PDE4D: variants seen among roughly 807,000 people sequenced by gnomAD.
The protein encoded by PDE4D is phosphodiesterase 4D.
Under a neutral mutation model 87.4 loss-of-function variants are expected in PDE4D, and 24 were observed. The ratio of observed to expected loss-of-function variants is 0.27; its 90% CI spans 0.20 to 0.39. The LOEUF is 0.39. Among genes scored for constraint, PDE4D ranks in the 10% least tolerant of loss-of-function variants. The probability of loss-of-function intolerance (pLI) is 1.00; values close to 1 mark genes in which losing one functional copy is unlikely to be tolerated. For synonymous variants in PDE4D, 384 were observed against 383.2 expected, an observed-to-expected ratio of 1.00 and a Z score of -0.02; for missense variants, 714 against 1,041.0, an observed-to-expected ratio of 0.69 and a Z score of 4.32.
intron 1 of PDE4D, among the ~76,000 whole-genome samples, chr5:60,447,551 A>C (rs1470872793): frequency 6.6e-6 from 1 of 152,166 alleles, no homozygotes; most frequent in Non-Finnish European, 1.5e-5. Context: ...TTTGAAAAAA[A>C]AAAGAAAGAA....
At chr5:59,924,938 G>A (rs1205094754) in intron 3 of PDE4D, among the ~76,000 whole-genome samples, 3 of 152,030 alleles carry the variant, frequency 2.0e-5, no homozygotes, top group Admixed American at 6.6e-5. Context: ...CACTTTGGGA[G>A]GCTGAAGCGG....
At position 58,974,803 on chromosome 5, in the gene PDE4D, T is replaced by C. The variant is rs754094337; in HGVS notation, c.2291A>G (p.Asp764Gly). 1 of 1,613,542 alleles carries C rather than the reference T, an allele frequency of 6.2e-7. No homozygotes were observed. The highest frequency in any genetic ancestry group is 8.5e-7 in the Non-Finnish European group (1 of 1,179,628). Residue 764 changes from aspartate (D) to glycine (G), a missense_variant, in exon 15 of 15, where the codon GAC (aspartate) becomes GGC (glycine). Asp to Gly is a moderately conservative substitution (Grantham distance 94). Coordinates refer to ENST00000340635, the MANE Select transcript of PDE4D (RefSeq NM_001104631.2). The part of the protein sequence containing the change: ...SQVEEDTSCS[D>G]SKTLCTQDSE... ...GTCTTGAGTACAAAGAGTCTTGGAG[T>C]CACTGCAGCTAGTGTCTTCTTCCAC...
At chr5:59,991,622 G>T (rs897056796) in intron 2 of PDE4D, among the ~76,000 whole-genome samples, 1 of 152,060 alleles carries the variant, frequency 6.6e-6, no homozygotes, top group Non-Finnish European at 1.5e-5. Flanking sequence ...ACCACCTCCA[G>T]TTATAAAATA....
intron 2 of PDE4D, among the ~76,000 whole-genome samples, chr5:60,184,604 T>C (rs535013053): frequency 6.6e-6 from 1 of 152,320 alleles, no homozygotes; most frequent in East Asian, 1.9e-4. Flanking sequence ...CATATCCTCA[T>C]TTTTTAACAA....
At chr5:60,291,065 T>C (rs1752852970) in intron 1 of PDE4D, among the ~76,000 whole-genome samples, 1 of 152,226 alleles carries the variant, frequency 6.6e-6, no homozygotes, top group South Asian at 2.1e-4. Flanking sequence ...ATCTTTTTTC[T>C]GGGTTTCCTG....
At chr5:59,902,306 A>G (rs1323705348) in intron 3 of PDE4D, among the ~76,000 whole-genome samples, 1 of 152,172 alleles carries the variant, frequency 6.6e-6, no homozygotes, top group African/African-American at 2.4e-5. Flanking sequence ...ATCAACAGCA[A>G]TTCTTGTTAA....
chr5:60,064,389 C>G (rs1771818552), intron 2 of PDE4D, among the ~76,000 whole-genome samples: 2 of 151,894 alleles, frequency 1.3e-5, no homozygotes, highest in South Asian at 4.1e-4. Flanking sequence ...GGAGAACACC[C>G]AGTATTTGAA....
chr5:59,139,929 A>C (rs751589394), intron 5 of PDE4D, among the ~76,000 whole-genome samples: 2 of 152,198 alleles, frequency 1.3e-5, no homozygotes, highest in Non-Finnish European at 2.9e-5. Context: ...TCACATACAT[A>C]CAAGTCTAAG....
intron 5 of PDE4D, among the ~76,000 whole-genome samples, chr5:59,088,593 A>G (rs760352852): frequency 2.0e-5 from 3 of 152,230 alleles, no homozygotes; most frequent in South Asian, 2.1e-4. Context: ...AATGTGGTAC[A>G]TAAACACCAT....
intron 1 of PDE4D, among the ~76,000 whole-genome samples, chr5:60,422,785 G>A (rs1743250447): frequency 6.6e-6 from 1 of 152,174 alleles, no homozygotes; most frequent in East Asian, 1.9e-4. Flanking sequence ...TCAGTGTGCT[G>A]TATTCAGGAG....
chr5:60,167,619 G>C (rs1378672104), intron 2 of PDE4D, among the ~76,000 whole-genome samples: 2 of 151,892 alleles, frequency 1.3e-5, no homozygotes, highest in Non-Finnish European at 2.9e-5. Flanking sequence ...TTTTCATTTT[G>C]TTCATTGTAT....
At chr5:60,410,226 G>A (rs1583662795) in intron 1 of PDE4D, among the ~76,000 whole-genome samples, 1 of 152,138 alleles carries the variant, frequency 6.6e-6, no homozygotes, top group Non-Finnish European at 1.5e-5. Context: ...GGCTGGGTGT[G>A]GAGAGTCCAT....
At chr5:60,225,082 A>C (rs1340654825) in intron 1 of PDE4D, among the ~76,000 whole-genome samples, 1 of 151,834 alleles carries the variant, frequency 6.6e-6, no homozygotes, top group Non-Finnish European at 1.5e-5. Flanking sequence ...TGGAGCCTCA[A>C]ATTCATTTCA....
chr5:59,452,121 G>C (rs1799257705), intron 1 of PDE4D, among the ~76,000 whole-genome samples: 1 of 151,988 alleles, frequency 6.6e-6, no homozygotes. Flanking sequence ...TGTAGCCCAA[G>C]ACAATTCTTC....
chr5:59,873,296 A>G (rs1748095118), intron 1 of PDE4D, among the ~76,000 whole-genome samples: 1 of 152,234 alleles, frequency 6.6e-6, no homozygotes, highest in African/African-American at 2.4e-5. Context: ...ATGACTGGGC[A>G]GATCTTGAAG....
chr5:59,065,732 T>A (rs1025417542), intron 5 of PDE4D, among the ~76,000 whole-genome samples: 1 of 152,140 alleles, frequency 6.6e-6, no homozygotes, highest in Non-Finnish European at 1.5e-5. Flanking sequence ...GGAATCCCAT[T>A]TCTTCCTTTG....
intron 1 of PDE4D, among the ~76,000 whole-genome samples, chr5:60,451,022 CA>C (rs1278339026): frequency 6.6e-6 from 1 of 151,992 alleles, no homozygotes; most frequent in Admixed American, 6.6e-5. Flanking sequence ...TTATAATCTT[CA>C]AAGCATTAAA....
intron 1 of PDE4D, among the ~76,000 whole-genome samples, chr5:59,802,376 A>G (rs1224168092): frequency 7.0e-6 from 1 of 141,864 alleles, no homozygotes; most frequent in Non-Finnish European, 1.6e-5. Context: ...ATCACAGATT[A>G]TTTTTATAAC....
chr5:59,356,614 A>C (rs561971268), intron 1 of PDE4D: 1 of 638,212 alleles, frequency 1.6e-6, no homozygotes, highest in Admixed American at 4.1e-5. Flanking sequence ...CAAGGTTTAC[A>C]TCATCTTCTT....
Sources: allele counts gnomAD v4.1 joint callset (sites outside exome capture counted in the v4.1 genomes callset), GRCh38; gene constraint gnomAD v4.1.1; transcripts MANE v1.5; gene names NCBI Gene and HGNC (gene_info 2026-07-23, HGNC 2026-07-21).